Variants in LRGUK observed in about 807,000 individuals in gnomAD.
LRGUK encodes leucine-rich repeat and guanylate kinase domain-containing protein.
LRGUK carries 65 observed loss-of-function variants against 76.0 expected under a neutral mutation model. That is an observed-to-expected ratio of 0.85 (90% CI 0.70 to 1.05). LRGUK has a LOEUF of 1.05. LRGUK is among the 50% of genes least tolerant of loss of function. The pLI is 0.00. For missense variants in LRGUK, 758 were observed against 732.8 expected, an observed-to-expected ratio of 1.03 and a Z score of -0.40; for synonymous variants, 268 against 265.6, an observed-to-expected ratio of 1.01 and a Z score of -0.09.
chr7:134,247,645 G>T lies in LRGUK; in HGVS notation c.2072+1G>T. On this transcript the variant is annotated splice_donor_variant, in intron 17 of 19. Transcript: ENST00000285928. LOFTEE classifies it high-confidence loss of function. ...CTGATCACACACTCCTATTTCAAAG[G>T]TAGCAATTTATCACATGAGCAACTT... 1 of 1,609,630 alleles carries T rather than the reference G, an allele frequency of 6.2e-7. No individual in the cohort carries two copies. The highest frequency in any genetic ancestry group is 1.3e-5 in the African/African-American group (1 of 74,892).
chr7:134,245,474 C>G (rs1367985424), intron 16 of LRGUK, among the ~76,000 whole-genome samples: 1 of 152,126 alleles, frequency 6.6e-6, no homozygotes, highest in Non-Finnish European at 1.5e-5. Context: ...ATACTGATAC[C>G]ATGCAGGTGT....
At chr7:134,272,003 C>T in the LRGUK span, among the ~76,000 whole-genome samples, 9 of 151,800 alleles carry the variant, frequency 5.9e-5, no homozygotes, top group Admixed American at 1.3e-4. Context: ...TTTTCTTTTT[C>T]CCTTTCCTTT....
rs1334727710 is a variant in LRGUK at position 134,190,957 on chromosome 7, G to T, written c.1335-698G>T. ...CAGTAGTTGAGCGGTGTGGTGGGATGGGGAGGCTATTTCAGACAGTGGAGA... is the reference window on the plus strand; with the variant it reads ...CAGTAGTTGAGCGGTGTGGTGGGATTGGGAGGCTATTTCAGACAGTGGAGA... On this transcript the variant is annotated intron_variant, in intron 11 of 15. Transcript: ENST00000645682. Among the ~76,000 whole-genome samples, 6 of 152,246 alleles carry T rather than the reference G, an allele frequency of 3.9e-5. No individual in the cohort carries two copies. The East Asian group carries it at 1.2e-3, about 29-fold the overall frequency.
At chr7:134,138,048 A>G (rs537504134) in intron 2 of LRGUK, among the ~76,000 whole-genome samples, 6 of 152,226 alleles carry the variant, frequency 3.9e-5, no homozygotes, top group South Asian at 4.2e-4. Context: ...ATCTTTTTCT[A>G]TTTTCACTTT....
chr7:134,263,850 C>A (rs369166373), exon 20 of LRGUK: 2 of 1,608,854 alleles, frequency 1.2e-6, no homozygotes, highest in African/African-American at 2.7e-5. Context: ...TACAGCACTA[C>A]CTATACAATC....
In LRGUK at chr7:134,148,331, A is replaced by G. The variant is rs747038070; in HGVS notation, c.670+12A>G. On this transcript the variant is annotated intron_variant, in intron 5 of 15. Transcript: ENST00000645682. ...ACTAATTTTGGATGGTATCCTTTGA[A>G]TAAGTAAAGGGGAAAATTTTAAAAA... is the stretch of plus-strand genomic sequence containing the variant. 2 of 1,485,750 alleles carry G rather than the reference A, an allele frequency of 1.3e-6. No individual in the cohort carries two copies. The highest frequency in any genetic ancestry group is 3.9e-5 in the Admixed American group (2 of 51,062). 92.0% of individuals were successfully genotyped at this position (1,485,750 alleles called of 1,614,324 possible). A position where few individuals can be genotyped will look rare whatever the true frequency, so the allele number is the denominator to read the frequency against.
chr7:134,219,460 C>G (rs190584800), intron 15 of LRGUK, among the ~76,000 whole-genome samples: 1 of 152,188 alleles, frequency 6.6e-6, no homozygotes, highest in Non-Finnish European at 1.5e-5. Context: ...AAAAGGAACC[C>G]GGACACAAAA....
exon 14 of LRGUK, chr7:134,199,263 T>C: frequency 3.7e-6 from 6 of 1,613,928 alleles, no homozygotes; most frequent in Non-Finnish European, 5.1e-6. Flanking sequence ...CCTCGTTATA[T>C]CCTGGTGGTG....
At chr7:134,236,041 C>T (rs1802006792) in intron 16 of LRGUK, among the ~76,000 whole-genome samples, 1 of 152,208 alleles carries the variant, frequency 6.6e-6, no homozygotes, top group African/African-American at 2.4e-5. Context: ...CCTCAAGTCC[C>T]AATCTTCTAC....
At chr7:134,247,188 A>G (rs1802325328) in intron 16 of LRGUK, among the ~76,000 whole-genome samples, 1 of 152,202 alleles carries the variant, frequency 6.6e-6, no homozygotes, top group South Asian at 2.1e-4. Context: ...TCAGTTAGCT[A>G]CTATATGTGC....
At chr7:134,206,301 G>A (rs991233035) in intron 15 of LRGUK, among the ~76,000 whole-genome samples, 3 of 152,154 alleles carry the variant, frequency 2.0e-5, no homozygotes, top group Admixed American at 1.3e-4. Context: ...CAGATCACGA[G>A]GTCAGGAGGT....
At chr7:134,153,563 G>T (rs1257929630) in intron 5 of LRGUK, among the ~76,000 whole-genome samples, 1 of 152,112 alleles carries the variant, frequency 6.6e-6, no homozygotes, top group Non-Finnish European at 1.5e-5. Context: ...AGACCATCTA[G>T]TGCTAATCAC....
Position 134,136,562 on chromosome 7 carries a change from A to T in LRGUK, c.298-461A>T, listed in dbSNP as rs1285859437. On this transcript the variant is annotated intron_variant, in intron 1 of 15. Transcript: ENST00000645682. Reference sequence around the variant, plus strand: ...GGGATTTTCATTCCAGCTCTGTCACATACTATCTGTTTGGTTTCAGGCAAG... The same window carrying T: ...GGGATTTTCATTCCAGCTCTGTCACTTACTATCTGTTTGGTTTCAGGCAAG... Among the ~76,000 whole-genome samples, 4 of 152,186 alleles carry T rather than the reference A, an allele frequency of 2.6e-5. No homozygotes were observed. The East Asian group carries it at 7.7e-4, about 29-fold the overall frequency.
chr7:134,209,152 C>G (rs939504318), exon 16 of LRGUK: 3 of 399,296 alleles, frequency 7.5e-6, no homozygotes, highest in African/African-American at 6.2e-5. Flanking sequence ...CTTCCCCTCC[C>G]TCGTCCCGCA....
At chr7:134,218,297 A>G (rs1412798946) in intron 15 of LRGUK, among the ~76,000 whole-genome samples, 1 of 152,196 alleles carries the variant, frequency 6.6e-6, no homozygotes, top group Non-Finnish European at 1.5e-5. Context: ...GCATCTCAGG[A>G]CTTTTATTTA....
chr7:134,213,319 G>A (rs1011868587), downstream of LRGUK, among the ~76,000 whole-genome samples: 1 of 152,144 alleles, frequency 6.6e-6, no homozygotes, highest in African/African-American at 2.4e-5. Context: ...GAGTGGCAGG[G>A]AAGTTATTGC....
chr7:134,227,880 A>T (rs1047851789), intron 16 of LRGUK, among the ~76,000 whole-genome samples: 2 of 152,178 alleles, frequency 1.3e-5, no homozygotes, highest in African/African-American at 2.4e-5. Flanking sequence ...TGAATAAGAG[A>T]CATAAAGCAA....
intron 16 of LRGUK, among the ~76,000 whole-genome samples, chr7:134,245,289 C>A (rs1802272897): frequency 6.6e-6 from 1 of 152,182 alleles, no homozygotes; most frequent in Non-Finnish European, 1.5e-5. Context: ...TCTTCTATTT[C>A]AGCTGTGGTT....
intron 9 of LRGUK, 70 bp downstream of exon 9, chr7:134,177,133 C>A: frequency 1.2e-6 from 1 of 845,610 alleles, no homozygotes; most frequent in Non-Finnish European, 1.9e-6. Flanking sequence ...GTGTTGCCTG[C>A]TGTGGAAGCA....
Sources: allele counts gnomAD v4.1 joint callset (sites outside exome capture counted in the v4.1 genomes callset), GRCh38; gene constraint gnomAD v4.1.1; transcripts MANE v1.5; gene names NCBI Gene and HGNC (gene_info 2026-07-23, HGNC 2026-07-21).